Variants in STN1 observed in about 807,000 individuals in gnomAD.
The protein encoded by STN1 is CST complex subunit STN1.
Under a neutral mutation model 45.5 loss-of-function variants are expected in STN1, and 29 were observed. The observed-to-expected ratio is 0.64, with a 90% CI of 0.47 to 0.87. The LOEUF (loss-of-function observed/expected upper bound fraction) is 0.87. Among genes scored for constraint, STN1 ranks in the 40% least tolerant of loss-of-function variants. The pLI, the probability that STN1 is intolerant of heterozygous loss-of-function variation, is 0.00. For synonymous variants in STN1, 148 were observed against 159.0 expected, an observed-to-expected ratio of 0.93 and a Z score of 0.52; for missense variants, 376 against 441.4, an observed-to-expected ratio of 0.85 and a Z score of 1.33.
intron 9 of STN1, among the ~76,000 whole-genome samples, chr10:103,887,129 G>A (rs757067573): frequency 6.6e-6 from 1 of 152,164 alleles, no homozygotes; most frequent in Non-Finnish European, 1.5e-5. Flanking sequence ...AGGCCCAGTA[G>A]GTATGGTTAG....
chr10:103,891,410 A>G (rs1843138631), intron 8 of STN1, among the ~76,000 whole-genome samples: 2 of 152,204 alleles, frequency 1.3e-5, no homozygotes, highest in African/African-American at 4.8e-5. Flanking sequence ...GCAAGTCTCA[A>G]TGGTCCCAGG....
intron 1 of STN1, 33 bp from the exon 2 acceptor site, chr10:103,917,689 G>A: frequency 7.0e-7 from 1 of 1,423,530 alleles, no homozygotes; most frequent in Non-Finnish European, 9.6e-7. Flanking sequence ...GATGCAATGC[G>A]TTTAACGTGG....
chr10:103,915,567 C>A (rs1843325604), intron 2 of STN1, among the ~76,000 whole-genome samples: 1 of 152,202 alleles, frequency 6.6e-6, no homozygotes, highest in African/African-American at 2.4e-5. Context: ...ACATTCATTT[C>A]ATATTTTATC....
chr10:103,882,914 T>G, intron 9 of STN1, 73 bp from the exon 10 acceptor site: 4 of 1,429,504 alleles, frequency 2.8e-6, no homozygotes, highest in Non-Finnish European at 3.8e-6. Context: ...CATACCTGAC[T>G]TGGCATCTGC....
At chr10:103,914,580 T>C (rs1843316180) in intron 2 of STN1, among the ~76,000 whole-genome samples, 1 of 151,436 alleles carries the variant, frequency 6.6e-6, no homozygotes. Context: ...TCTTGAACTC[T>C]GGGCTCAAGT....
At chr10:103,901,133 C>T (rs1195814150) in intron 4 of STN1, among the ~76,000 whole-genome samples, 1 of 152,160 alleles carries the variant, frequency 6.6e-6, no homozygotes, top group Non-Finnish European at 1.5e-5. Flanking sequence ...CTGCTGCCTG[C>T]CCCAGGAAGA....
intron 2 of STN1, among the ~76,000 whole-genome samples, chr10:103,915,096 A>G (rs1265164): frequency 0.76 from 115,560 of 152,128 alleles, 46,345 homozygotes; most frequent in East Asian, 0.99. Flanking sequence ...AGAGATGCTA[A>G]GGCAGGGTCT....
chr10:103,880,641 C>T lies in STN1; in HGVS notation c.*2043G>A, dbSNP rs540360877. ...AAACTGAATATAGGGGTCTGCAGTT[C>T]AGGGAAGAGGCCCATTCTGGGTTTA... On this transcript the variant is annotated 3_prime_UTR_variant, in exon 10 of 10. Transcript: ENST00000224950. Among the ~76,000 whole-genome samples, 1 of 152,176 alleles carries T rather than the reference C, an allele frequency of 6.6e-6. No individual in the cohort carries two copies. The highest frequency in any genetic ancestry group is 1.5e-5 in the Non-Finnish European group (1 of 68,028).
intron 2 of STN1, among the ~76,000 whole-genome samples, chr10:103,914,353 TATATATATATATATATATA>T (rs1843311432): frequency 4.7e-5 from 1 of 21,372 alleles, no homozygotes; most frequent in Non-Finnish European, 1.1e-4. Context: ...TATATATATA[TATATATATATATATATATA>T]TATTTTTTTT....
At chr10:103,899,834 T>C in intron 5 of STN1, 1 of 471,962 alleles carries the variant, frequency 2.1e-6, no homozygotes, top group East Asian at 3.6e-5. Flanking sequence ...CAACCATATA[T>C]AAAGTAAATA....
intron 6 of STN1, among the ~76,000 whole-genome samples, chr10:103,898,047 T>C (rs944118898): frequency 6.6e-6 from 1 of 152,170 alleles, no homozygotes; most frequent in East Asian, 1.9e-4. Context: ...CAGAAGAAAC[T>C]AATTTAAAAA....
chr10:103,913,303 C>G (rs1843303848), intron 2 of STN1, among the ~76,000 whole-genome samples: 1 of 152,192 alleles, frequency 6.6e-6, no homozygotes, highest in Admixed American at 6.5e-5. Context: ...CAGGTCTTCA[C>G]TTGTGGACAC....
intron 3 of STN1, among the ~76,000 whole-genome samples, chr10:103,905,546 C>T (rs921391670): frequency 6.6e-6 from 1 of 152,194 alleles, no homozygotes; most frequent in East Asian, 1.9e-4. Flanking sequence ...TCTCTCCCAC[C>T]CTGAAACAAG....
chr10:103,914,369 TA>T (rs1306127228), intron 2 of STN1, among the ~76,000 whole-genome samples: 88 of 8,424 alleles, frequency 0.01, no homozygotes, highest in East Asian at 0.021. Context: ...TATATATATA[TA>T]TATATTTTTT....
At chr10:103,893,849 C>T (rs1158603721) in intron 7 of STN1, among the ~76,000 whole-genome samples, 3 of 152,194 alleles carry the variant, frequency 2.0e-5, no homozygotes, top group Non-Finnish European at 4.4e-5. Context: ...ATTGAATTAT[C>T]AGTCTAAGTT....
intron 8 of STN1, among the ~76,000 whole-genome samples, chr10:103,890,064 CTT>C (rs778975116): frequency 1.3e-5 from 2 of 151,724 alleles, no homozygotes; most frequent in South Asian, 4.1e-4. Flanking sequence ...CAGGTTTCAC[CTT>C]CATGTTCCAC....
At chr10:103,884,347 CAAA>C (rs1482857350) in intron 9 of STN1, among the ~76,000 whole-genome samples, 1 of 152,020 alleles carries the variant, frequency 6.6e-6, no homozygotes, top group Non-Finnish European at 1.5e-5. Context: ...TTACCAAACT[CAAA>C]GAGAGCAGAA....
At chr10:103,886,839 C>T (rs1051032177) in intron 9 of STN1, among the ~76,000 whole-genome samples, 2 of 152,194 alleles carry the variant, frequency 1.3e-5, no homozygotes, top group African/African-American at 2.4e-5. Context: ...AAGGCACTTG[C>T]CCAACATTAC....
chr10:103,897,493 A>G (rs1843178187), intron 7 of STN1, 55 bp downstream of exon 7: 12 of 1,465,526 alleles, frequency 8.2e-6, no homozygotes, highest in Non-Finnish European at 1.1e-5. Flanking sequence ...CCACACCTGC[A>G]GTTGCAGATC....
Sources: allele counts gnomAD v4.1 joint callset (sites outside exome capture counted in the v4.1 genomes callset), GRCh38; gene constraint gnomAD v4.1.1; transcripts MANE v1.5; gene names NCBI Gene and HGNC (gene_info 2026-07-23, HGNC 2026-07-21).